The following PIAS1 variants were observed in gnomAD, a reference collection of about 807,000 sequenced individuals.
The protein encoded by PIAS1 is E3 SUMO-protein ligase PIAS1.
PIAS1 carries 6 observed loss-of-function variants against 71.3 expected under a neutral mutation model. That is an observed-to-expected ratio of 0.08 (90% CI 0.05 to 0.17). The LOEUF (loss-of-function observed/expected upper bound fraction) is 0.17. PIAS1 is among the 10% of genes least tolerant of loss of function. The pLI, the probability that PIAS1 is intolerant of heterozygous loss-of-function variation, is 1.00. For synonymous variants in PIAS1, 303 were observed against 292.9 expected, an observed-to-expected ratio of 1.03 and a Z score of -0.35; for missense variants, 555 against 793.6, an observed-to-expected ratio of 0.70 and a Z score of 3.61.
At chr15:68,144,712 C>G (rs910470427) in intron 4 of PIAS1, among the ~76,000 whole-genome samples, 7 of 152,200 alleles carry the variant, frequency 4.6e-5, no homozygotes, top group African/African-American at 1.7e-4. Flanking sequence ...AAGTATATTT[C>G]TAGAAAATCT....
chr15:68,193,677 G>C lies in PIAS1; in HGVS notation c.*5842G>C, dbSNP rs549273810. The C allele has an allele frequency of 2.1e-5, 5 of 235,594 alleles. No individual in the cohort carries two copies. In the East Asian group the frequency reaches 3.9e-4, roughly 18 times the overall value. 14.6% of individuals were successfully genotyped at this position (235,594 alleles called of 1,614,324 possible). On this transcript the variant is annotated 3_prime_UTR_variant, in exon 14 of 14. Transcript: ENST00000249636. ...AGTGGGAATCCAGCTTGTGTGGGGG[G>C]GCTTTGAGGAGTGAAATGATTTGCC...
At position 68,191,512 on chromosome 15, in the gene PIAS1, CTA is replaced by C. The variant is rs2093120045; in HGVS notation, c.*3679_*3680del. On this transcript the variant is annotated 3_prime_UTR_variant, in exon 14 of 14. Coordinates refer to ENST00000249636, the MANE Select transcript of PIAS1 (RefSeq NM_016166.3). ...TGCTGGATGTTCAAGGGGACAATCCCTATGAGACAAGTGATAATGGTTTGTGC... is the reference window on the plus strand; with the variant it reads ...TGCTGGATGTTCAAGGGGACAATCCCTGAGACAAGTGATAATGGTTTGTGC... 1 of 152,636 alleles carries C rather than the reference CTA, an allele frequency of 6.6e-6. No homozygotes were observed. The highest frequency in any genetic ancestry group is 1.5e-5 in the Non-Finnish European group (1 of 68,044). 9.5% of individuals were successfully genotyped at this position (152,636 alleles called of 1,614,324 possible).
At chr15:68,108,252 A>C (rs541413487) in intron 2 of PIAS1, among the ~76,000 whole-genome samples, 4 of 152,050 alleles carry the variant, frequency 2.6e-5, no homozygotes, top group African/African-American at 9.7e-5. Flanking sequence ...CTTTTGCTTC[A>C]TTCAATCCAC....
rs147884605 is a variant in PIAS1 at position 68,065,518 on chromosome 15, G to A, written c.24+11168G>A. On this transcript the variant is annotated intron_variant, in intron 1 of 13. Coordinates refer to ENST00000249636, the MANE Select transcript of PIAS1 (RefSeq NM_016166.3). ...AAGTGGTAGGATTTTTTGATCCTGG[G>A]AGACAGAGGTAGCAGTGAACTGAGA... Among the ~76,000 whole-genome samples the A allele has an allele frequency of 2.7e-4, 41 of 150,724 alleles. 1 individual carries two copies. In the East Asian group the frequency reaches 3.3e-3, roughly 12 times the overall value.
intron 2 of PIAS1, among the ~76,000 whole-genome samples, chr15:68,097,271 T>C (rs377253758): frequency 5.7e-4 from 87 of 152,344 alleles, no homozygotes; most frequent in African/African-American, 1.9e-3. Flanking sequence ...AAAACCCTTT[T>C]CATATGCTAT....
rs2091876134 is a variant in PIAS1, at chr15:68,054,695, T to TG, written c.24+349dup. ...TTCCAGTTAGCCTCCCTGCCCCCCA[T>TG]GGGGAGCTGGGGCTGGGGGCAGGGT... On this transcript the variant is annotated intron_variant, in intron 1 of 13. Coordinates refer to ENST00000249636, the MANE Select transcript of PIAS1 (RefSeq NM_016166.3). The surrounding 1 kb of genome is among the most constrained non-coding windows in gnomAD (Gnocchi z 4.6). 4.8e-6 allele frequency: 1 copy of TG among 208,570 alleles called. No individual in the cohort carries two copies. The highest frequency in any genetic ancestry group is 1.4e-4 in the South Asian group (1 of 6,966). The allele number at this position is 208,570 out of a possible 1,614,324, so 12.9% of individuals were successfully genotyped here. A position where few individuals can be genotyped will look rare whatever the true frequency, so the allele number is the denominator to read the frequency against.
At chr15:68,161,077 G>A (rs1386213561) in intron 7 of PIAS1, among the ~76,000 whole-genome samples, 1 of 152,148 alleles carries the variant, frequency 6.6e-6, no homozygotes, top group Non-Finnish European at 1.5e-5. Context: ...CTCCAAAAAA[G>A]CTACTAGAAA....
intron 2 of PIAS1, among the ~76,000 whole-genome samples, chr15:68,125,385 ATAT>A (rs1400062760): frequency 1.3e-5 from 2 of 151,984 alleles, no homozygotes; most frequent in Non-Finnish European, 2.9e-5. Context: ...TACATCTCAG[ATAT>A]TATTTTGCCT....
intron 1 of PIAS1, among the ~76,000 whole-genome samples, chr15:68,083,962 C>T (rs777085222): frequency 6.6e-6 from 1 of 152,078 alleles, no homozygotes; most frequent in African/African-American, 2.4e-5. Flanking sequence ...TGCTGCTACT[C>T]TTTGTTTCAG....
chr15:68,172,196 G>C (rs2092995661), intron 8 of PIAS1, among the ~76,000 whole-genome samples: 1 of 152,048 alleles, frequency 6.6e-6, no homozygotes, highest in African/African-American at 2.4e-5. Flanking sequence ...ACTTTGCTCA[G>C]AATGATGGTT....
chr15:68,143,386 A>C (rs1262394616), intron 4 of PIAS1, among the ~76,000 whole-genome samples: 2 of 152,130 alleles, frequency 1.3e-5, no homozygotes, highest in African/African-American at 4.8e-5. Flanking sequence ...CTTTGAAATA[A>C]TAAGGTAAAA....
intron 2 of PIAS1, among the ~76,000 whole-genome samples, chr15:68,119,743 T>C (rs978081104): frequency 6.6e-6 from 1 of 152,258 alleles, no homozygotes; most frequent in Non-Finnish European, 1.5e-5. Flanking sequence ...CCAGTTGTTC[T>C]ATCACTTATT....
chr15:68,134,792 T>TGAAC (rs2092711877), intron 2 of PIAS1, among the ~76,000 whole-genome samples: 2 of 33,764 alleles, frequency 5.9e-5, no homozygotes, highest in Non-Finnish European at 2.2e-4. Flanking sequence ...TAGGGGCGGC[T>TGAAC]GGGCAGAGGC....
chr15:68,114,809 T>G (rs1205323523), intron 2 of PIAS1, among the ~76,000 whole-genome samples: 1 of 152,110 alleles, frequency 6.6e-6, no homozygotes, highest in Non-Finnish European at 1.5e-5. Flanking sequence ...CTAGTTCGTT[T>G]CTCTGTGGAA....
chr15:68,164,958 A>G (rs1237330803), intron 8 of PIAS1, among the ~76,000 whole-genome samples, 154 bp downstream of exon 8: 2 of 152,196 alleles, frequency 1.3e-5, no homozygotes, highest in African/African-American at 2.4e-5. Flanking sequence ...TAGGCATTGC[A>G]TTTGGAATCT....
At position 68,186,857 on chromosome 15, in the gene PIAS1, G is replaced by A. The variant is rs1259257851; in HGVS notation, c.1663-685G>A. On this transcript the variant is annotated intron_variant, in intron 13 of 13. Transcript: ENST00000249636. This position sits in a 1 kb window ranked among gnomAD's most constrained non-coding sequence, Gnocchi z 4.4. ...GTAGGCCAGACCACACAGCCTAGGT[G>A]TGTAGCAGGCTCTACTGTCTAGGTT... Among the ~76,000 whole-genome samples the A allele has an allele frequency of 2.6e-5, 4 of 152,256 alleles. No individual in the cohort carries two copies. The highest frequency in any genetic ancestry group is 4.4e-5 in the Non-Finnish European group (3 of 68,044).
At chr15:68,067,745 A>G (rs2092044940) in intron 1 of PIAS1, among the ~76,000 whole-genome samples, 1 of 152,194 alleles carries the variant, frequency 6.6e-6, no homozygotes, top group African/African-American at 2.4e-5. Context: ...CGTAGTATGT[A>G]TAACCTTATA....
Position 68,088,184 on chromosome 15 carries a change from A to ATATATATATATATATC in PIAS1, c.469+1449_469+1450insCTATATATATATATAT, listed in dbSNP as rs2092302089. ...TGTCTGATTATGTGTGTGTATATAT[A>ATATATATATATATATC]TATATATATATATATATCCCATTTT... On this transcript the variant is annotated intron_variant, in intron 2 of 13. Coordinates refer to ENST00000249636, the MANE Select transcript of PIAS1 (RefSeq NM_016166.3). Among the ~76,000 whole-genome samples the ATATATATATATATATC allele has an allele frequency of 2.9e-5, 4 of 138,832 alleles. 1 individual carries two copies. Among genetic ancestry groups the ATATATATATATATATC allele is most frequent in the Non-Finnish European group, 4.6e-5 (3 of 64,670 alleles). The allele number at this position is 138,832 out of a possible 152,430, so 91.1% of individuals were successfully genotyped here.
intron 6 of PIAS1, among the ~76,000 whole-genome samples, chr15:68,150,960 AAT>A (rs2092839718): frequency 6.6e-6 from 1 of 152,156 alleles, no homozygotes; most frequent in African/African-American, 2.4e-5. Context: ...AGGGGCACAT[AAT>A]GAATAGAGTA....
Sources: allele counts gnomAD v4.1 joint callset (sites outside exome capture counted in the v4.1 genomes callset), GRCh38; gene constraint gnomAD v4.1.1; non-coding constraint Gnocchi (gnomAD v3.1); transcripts MANE v1.5; gene names NCBI Gene and HGNC (gene_info 2026-07-23, HGNC 2026-07-21).